MGAT4C: variants seen among roughly 807,000 people sequenced by gnomAD.
MGAT4C encodes the protein alpha-1,3-mannosyl-glycoprotein 4-beta-N-acetylglucosaminyltransferase C.
In MGAT4C, 19 loss-of-function variants were observed where a neutral mutation model predicts 40.1. The observed-to-expected ratio is 0.47, with a 90% confidence interval of 0.33 to 0.70. The LOEUF (loss-of-function observed/expected upper bound fraction) is 0.70, where lower values mean the gene tolerates loss of function less well. Among genes scored for constraint, MGAT4C ranks in the 30% least tolerant of loss-of-function variants. The pLI is 0.02. For missense variants in MGAT4C, 491 were observed against 563.2 expected (o/e 0.87, Z 1.30); for synonymous variants, 181 against 187.1 (o/e 0.97, Z 0.27).
intron 1 of MGAT4C, among the ~76,000 whole-genome samples, chr12:86,100,433 C>T (rs1419645650): frequency 1.3e-5 from 2 of 151,356 alleles, no homozygotes; most frequent in African/African-American, 2.4e-5. Context: ...TTTACATCAA[C>T]ATTCAAGGTT....
chr12:86,807,591 T>C (rs559304937), intron 1 of MGAT4C, among the ~76,000 whole-genome samples: 1 of 152,162 alleles, frequency 6.6e-6, no homozygotes, highest in South Asian at 2.1e-4. Flanking sequence ...AAAGTAAGTG[T>C]GCATGTATCT....
intron 2 of MGAT4C, among the ~76,000 whole-genome samples, chr12:86,710,688 A>G (rs1469564114): frequency 6.6e-6 from 1 of 152,212 alleles, no homozygotes; most frequent in Non-Finnish European, 1.5e-5. Context: ...ACTACTGGGT[A>G]TCTACCCAAA....
intron 1 of MGAT4C, among the ~76,000 whole-genome samples, chr12:86,199,202 G>A (rs1949940365): frequency 6.6e-6 from 1 of 152,116 alleles, no homozygotes; most frequent in Non-Finnish European, 1.5e-5. Context: ...AACCATATCA[G>A]TGACAGAAGA....
In MGAT4C at chr12:86,406,503, T is replaced by C. The variant is rs898849642; in HGVS notation, c.-120+28654A>G. On this transcript the variant is annotated intron_variant, in intron 3 of 7. Transcript: ENST00000548651. Reference sequence around the variant, plus strand: ...CACATGAAAAGTTGTTCAACATCATTAGCAATTTGGAAAATGCAAATTAAA... The same window carrying C: ...CACATGAAAAGTTGTTCAACATCATCAGCAATTTGGAAAATGCAAATTAAA... 2.2e-4 allele frequency among the ~76,000 whole-genome samples: 34 copies of C among 152,186 alleles called. No individual in the cohort carries two copies. The East Asian group carries it at 6.4e-3, about 29-fold the overall frequency.
chr12:86,739,645 T>C (rs1951037058), intron 1 of MGAT4C, among the ~76,000 whole-genome samples: 1 of 150,990 alleles, frequency 6.6e-6, no homozygotes, highest in Admixed American at 6.6e-5. Context: ...GAATTAGATA[T>C]TATAAGTAAT....
chr12:86,254,578 G>C (rs1279247148), intron 1 of MGAT4C, among the ~76,000 whole-genome samples: 1 of 151,890 alleles, frequency 6.6e-6, no homozygotes, highest in Non-Finnish European at 1.5e-5. Flanking sequence ...GTACCACTGG[G>C]TTTTTCAACT....
At chr12:86,063,378 G>A (rs567753537) in intron 1 of MGAT4C, among the ~76,000 whole-genome samples, 22 of 152,164 alleles carry the variant, frequency 1.4e-4, no homozygotes, top group African/African-American at 4.3e-4. Flanking sequence ...AAGGAAGCAC[G>A]AAACATGGAA....
intron 2 of MGAT4C, among the ~76,000 whole-genome samples, chr12:86,509,316 G>T (rs928998064): frequency 6.6e-6 from 1 of 152,056 alleles, no homozygotes; most frequent in Admixed American, 6.6e-5. Flanking sequence ...ATTTAATAGG[G>T]AATCCTTTCC....
At chr12:86,577,710 A>G (rs577643602) in intron 2 of MGAT4C, among the ~76,000 whole-genome samples, 9 of 151,888 alleles carry the variant, frequency 5.9e-5, no homozygotes, top group African/African-American at 1.7e-4. Context: ...TTTGTTTGCT[A>G]CTATTTTATT....
chr12:86,603,501 T>A (rs1438955568), intron 2 of MGAT4C, among the ~76,000 whole-genome samples: 2 of 72,962 alleles, frequency 2.7e-5, no homozygotes, highest in Non-Finnish European at 5.0e-5. Flanking sequence ...TAATATATAC[T>A]ATATATAGTC....
intron 2 of MGAT4C, among the ~76,000 whole-genome samples, chr12:86,493,867 C>T (rs80329263): frequency 2.1e-4 from 32 of 151,686 alleles, no homozygotes; most frequent in Admixed American, 2.0e-3. Flanking sequence ...TATAGAAAAC[C>T]GTATGTTTAG....
chr12:86,822,655 G>C (rs777834085), intron 1 of MGAT4C, among the ~76,000 whole-genome samples: 4 of 150,994 alleles, frequency 2.6e-5, no homozygotes, highest in Non-Finnish European at 5.9e-5. Flanking sequence ...ATAAATATAT[G>C]TGCACCCACC....
At chr12:86,764,254 C>T (rs1244855858) in intron 1 of MGAT4C, among the ~76,000 whole-genome samples, 1 of 152,134 alleles carries the variant, frequency 6.6e-6, no homozygotes, top group African/African-American at 2.4e-5. Flanking sequence ...CGGAGTCTCG[C>T]TGATTGCTAG....
chr12:86,363,728 A>G (rs1955532015), intron 3 of MGAT4C, among the ~76,000 whole-genome samples: 1 of 152,108 alleles, frequency 6.6e-6, no homozygotes, highest in Admixed American at 6.5e-5. Flanking sequence ...TTCCAGATCA[A>G]CCAAAGAAAG....
chr12:86,367,801 A>G (rs1347251007), intron 3 of MGAT4C, among the ~76,000 whole-genome samples: 1 of 150,562 alleles, frequency 6.6e-6, no homozygotes, highest in African/African-American at 2.5e-5. Flanking sequence ...CTCCGTCTCA[A>G]AAAAACAAAC....
chr12:86,557,332 T>C (rs748685138), intron 2 of MGAT4C, among the ~76,000 whole-genome samples: 6 of 152,200 alleles, frequency 3.9e-5, no homozygotes, highest in African/African-American at 7.2e-5. Flanking sequence ...TCACCCACCA[T>C]TGGTGCCTGT....
chr12:86,035,447 T>C lies in MGAT4C; in HGVS notation c.-7+14227A>G, dbSNP rs182766868. ...GGGTTGTTTTTTTCTTGTAAATTTG[T>C]TGAAGTTATTTCTAGATTCTGGATA... is the stretch of plus-strand genomic sequence containing the variant. On this transcript the variant is annotated intron_variant, in intron 2 of 4. Transcript: ENST00000611864. Among the ~76,000 whole-genome samples, 67 of 150,332 alleles carry C rather than the reference T, an allele frequency of 4.5e-4. 1 individual carries two copies. The East Asian group carries it at 6.2e-3, about 14-fold the overall frequency.
At chr12:86,724,465 A>AC (rs1950789372) in intron 2 of MGAT4C, among the ~76,000 whole-genome samples, 2 of 152,100 alleles carry the variant, frequency 1.3e-5, no homozygotes, top group Non-Finnish European at 2.9e-5. Context: ...ATCTTTTGGG[A>AC]CCCCTACCTC....
At chr12:86,087,709 G>C (rs1380581832) in intron 1 of MGAT4C, among the ~76,000 whole-genome samples, 1 of 151,948 alleles carries the variant, frequency 6.6e-6, no homozygotes, top group Non-Finnish European at 1.5e-5. Context: ...TTTCTACAAT[G>C]AAAGTTATGA....
Sources: gnomAD v4.1 joint callset for allele counts (sites outside exome capture counted in the v4.1 genomes callset) on GRCh38, gnomAD v4.1.1 for gene constraint, MANE v1.5 for transcripts, NCBI Gene and HGNC (gene_info 2026-07-23, HGNC 2026-07-21) for gene names.